FOXO3: variants seen among roughly 807,000 people sequenced by gnomAD.
FOXO3 encodes the protein forkhead box protein O3.
A neutral mutation model predicts 41.9 loss-of-function variants in FOXO3; 4 were observed. The observed-to-expected ratio is 0.10, with a 90% CI of 0.05 to 0.22. FOXO3 has a LOEUF of 0.22. Among genes scored for constraint, FOXO3 ranks in the 10% least tolerant of loss-of-function variants. The pLI, the probability that FOXO3 is intolerant of heterozygous loss-of-function variation, is 1.00. For synonymous variants in FOXO3, 318 were observed against 389.3 expected (o/e 0.82, Z 2.16); for missense variants, 534 against 906.8 (o/e 0.59, Z 5.28).
intron 1 of FOXO3, among the ~76,000 whole-genome samples, chr6:108,571,588 G>A (rs746775601): frequency 9.9e-5 from 15 of 152,268 alleles, no homozygotes; most frequent in Middle Eastern, 3.4e-3. Context: ...TGGGAAGTTG[G>A]GGACAAATAT....
intron 1 of FOXO3, among the ~76,000 whole-genome samples, chr6:108,623,676 C>T (rs1286413766): frequency 6.6e-6 from 1 of 152,140 alleles, no homozygotes; most frequent in Non-Finnish European, 1.5e-5. Context: ...GAAGTATATA[C>T]CAGTTTGTGC....
At chr6:108,611,658 A>G (rs544024453) in intron 1 of FOXO3, among the ~76,000 whole-genome samples, 2 of 146,800 alleles carry the variant, frequency 1.4e-5, no homozygotes, top group East Asian at 2.0e-4. Flanking sequence ...TGTAAATTGT[A>G]TATCTTCTTT....
intron 1 of FOXO3, among the ~76,000 whole-genome samples, chr6:108,652,326 G>A: frequency 6.6e-6 from 1 of 152,232 alleles, no homozygotes; most frequent in East Asian, 1.9e-4. Flanking sequence ...TAAAAAATTA[G>A]TGTTAGCAGA....
At chr6:108,604,990 C>T (rs1229883367) in intron 1 of FOXO3, among the ~76,000 whole-genome samples, 1 of 152,174 alleles carries the variant, frequency 6.6e-6, no homozygotes, top group Non-Finnish European at 1.5e-5. Context: ...AGGATGTGGC[C>T]TCTTGGCTTT....
At chr6:108,655,341 C>T (rs1388454622) in intron 1 of FOXO3, among the ~76,000 whole-genome samples, 5 of 152,210 alleles carry the variant, frequency 3.3e-5, no homozygotes, top group Non-Finnish European at 5.9e-5. Context: ...GCTTTAATCT[C>T]TCATCCCAGT....
At chr6:108,569,504 G>C (rs947426003) in intron 1 of FOXO3, among the ~76,000 whole-genome samples, 1 of 152,226 alleles carries the variant, frequency 6.6e-6, no homozygotes, top group African/African-American at 2.4e-5. Context: ...TAATTCGCTT[G>C]TTCCACTTTT....
At chr6:108,591,024 G>A (rs1186425161) in intron 1 of FOXO3, among the ~76,000 whole-genome samples, 5 of 152,148 alleles carry the variant, frequency 3.3e-5, no homozygotes, top group Non-Finnish European at 7.3e-5. Context: ...CATGTAGGTA[G>A]GCCTCATCCT....
chr6:108,584,805 C>T (rs952132896), intron 1 of FOXO3, among the ~76,000 whole-genome samples: 1 of 152,006 alleles, frequency 6.6e-6, no homozygotes, highest in Non-Finnish European at 1.5e-5. Flanking sequence ...AATAGAATAA[C>T]AATAATGATA....
chr6:108,560,747 C>T (rs1488157859), upstream of FOXO3: 4 of 245,330 alleles, frequency 1.6e-5, no homozygotes, highest in African/African-American at 4.5e-5. Context: ...CAGCTCCGGC[C>T]GCTGCCCGCT....
chr6:108,642,094 T>TTG (rs1463758863), intron 1 of FOXO3, among the ~76,000 whole-genome samples: 1 of 150,572 alleles, frequency 6.6e-6, no homozygotes, highest in African/African-American at 2.4e-5. Context: ...TTGGTGTTTT[T>TTG]TTTTTTTTTT....
At chr6:108,564,287 A>C (rs139985918) in intron 1 of FOXO3, among the ~76,000 whole-genome samples, 6 of 152,334 alleles carry the variant, frequency 3.9e-5, no homozygotes, top group East Asian at 1.9e-4. Flanking sequence ...CTAATAGGCA[A>C]CCTTTTTTTG....
chr6:108,644,109 C>T (rs765438666), intron 1 of FOXO3, among the ~76,000 whole-genome samples: 3 of 152,174 alleles, frequency 2.0e-5, no homozygotes, highest in Non-Finnish European at 4.4e-5. Context: ...GGCTCCAGAT[C>T]CTGTTCCCTC....
upstream of FOXO3, among the ~76,000 whole-genome samples, chr6:108,560,352 C>T (rs974901122): frequency 2.6e-5 from 4 of 152,210 alleles, no homozygotes; most frequent in African/African-American, 9.6e-5. Context: ...AGAATGCAAA[C>T]CACACAAAAC....
At chr6:108,593,392 CT>C (rs555822829) in intron 1 of FOXO3, among the ~76,000 whole-genome samples, 63 of 146,248 alleles carry the variant, frequency 4.3e-4, no homozygotes, top group African/African-American at 4.7e-4. Flanking sequence ...TTTCTTTTTT[CT>C]TTTTTTTTTT....
At chr6:108,563,161 A>G (rs553577912) in intron 1 of FOXO3, among the ~76,000 whole-genome samples, 9 of 152,370 alleles carry the variant, frequency 5.9e-5, no homozygotes, top group African/African-American at 1.9e-4. Context: ...GAGCCTGTAG[A>G]TGAAAAAGTT....
At chr6:108,632,564 G>T (rs1003649282) in intron 1 of FOXO3, among the ~76,000 whole-genome samples, 1 of 152,090 alleles carries the variant, frequency 6.6e-6, no homozygotes, top group African/African-American at 2.4e-5. Context: ...CGTGCACCTG[G>T]GTCAGGATGG....
chr6:108,678,223 G>T (rs1770695086), intron 2 of FOXO3, among the ~76,000 whole-genome samples: 1 of 152,256 alleles, frequency 6.6e-6, no homozygotes, highest in East Asian at 1.9e-4. Context: ...ATGACCCTAC[G>T]GTACAACCTC....
intron 1 of FOXO3, among the ~76,000 whole-genome samples, chr6:108,600,604 G>C (rs1777025620): frequency 7.3e-6 from 1 of 136,956 alleles, no homozygotes; most frequent in African/African-American, 2.7e-5. Context: ...AAATTTAGAA[G>C]CCAGAGATTG....
At chr6:108,648,314 A>G (rs1288586584) in intron 1 of FOXO3, among the ~76,000 whole-genome samples, 1 of 152,202 alleles carries the variant, frequency 6.6e-6, no homozygotes, top group Non-Finnish European at 1.5e-5. Context: ...AGGTAAAAAG[A>G]AATAAACCTA....
Sources: allele counts gnomAD v4.1 joint callset (sites outside exome capture counted in the v4.1 genomes callset), GRCh38; gene constraint gnomAD v4.1.1; transcripts MANE v1.5; gene names NCBI Gene and HGNC (gene_info 2026-07-23, HGNC 2026-07-21).